The following AGXT2 variants were observed in gnomAD, a reference collection of about 807,000 sequenced individuals.
AGXT2 encodes alanine--glyoxylate aminotransferase 2, mitochondrial.
AGXT2 carries 61 observed loss-of-function variants against 62.5 expected under a neutral mutation model. The observed-to-expected ratio is 0.98, with a 90% CI of 0.79 to 1.21. The LOEUF is 1.21. Ranked by LOEUF, AGXT2 falls within the 50% of genes most tolerant of loss-of-function variation. AGXT2 has a pLI of 0.00. For missense variants in AGXT2, 666 were observed against 641.5 expected, an observed-to-expected ratio of 1.04 and a Z score of -0.41; for synonymous variants, 243 against 218.7, an observed-to-expected ratio of 1.11 and a Z score of -0.98.
intron 7 of AGXT2, chr5:35,027,102 GAT>G: frequency 4.0e-6 from 3 of 748,142 alleles, no homozygotes; most frequent in Non-Finnish European, 4.9e-6. Context: ...GACTTTCTCC[GAT>G]TAATCAGGAG....
chr5:35,032,127 A>G (rs570319881), intron 7 of AGXT2, among the ~76,000 whole-genome samples: 1 of 151,040 alleles, frequency 6.6e-6, no homozygotes, highest in East Asian at 2.0e-4. Flanking sequence ...TAATTTTTGT[A>G]TTTTTAATAG....
At chr5:35,042,736 C>CTGTGTGTG (rs66463119) in intron 1 of AGXT2, among the ~76,000 whole-genome samples, 2,178 of 142,456 alleles carry the variant, frequency 0.015, 63 homozygotes, top group African/African-American at 0.054. Flanking sequence ...ATATGCATAC[C>CTGTGTGTG]TGTGTGTGTG....
intron 1 of AGXT2, among the ~76,000 whole-genome samples, chr5:35,044,539 C>T (rs148106876): frequency 2.0e-5 from 3 of 152,318 alleles, no homozygotes; most frequent in Non-Finnish European, 4.4e-5. Context: ...TGCTAAGAGG[C>T]GGTTCCTACC....
At position 35,040,634 on chromosome 5, in the gene AGXT2, G is replaced by T; in HGVS notation, c.118C>A (p.Leu40Ile). 6.2e-7 allele frequency: 1 copy of T among 1,613,962 alleles called. No individual in the cohort carries two copies. The highest frequency in any genetic ancestry group is 8.5e-7 in the Non-Finnish European group (1 of 1,179,836). ...ATTCTGGGCTTTGTATGAAGACTGA[G>T]CTTGGTTACTGATGTCCGGGAAGTA... ...LGTSRTSVTK[L>I]SLHTKPRMPP... Residue 40 changes from leucine to isoleucine, a missense_variant, in exon 2 of 14, where the codon CTC becomes ATC. By Grantham distance (5) the Leu-to-Ile change is conservative. Transcript: ENST00000231420.
At position 35,021,703 on chromosome 5, in the gene AGXT2, A is replaced by C. The variant is rs1406824940; in HGVS notation, c.963+4060T>G. ...CTAAAACGCCAAAAGCAATGGCAAC[A>C]AAAGCCAAAATTGACAAATGGGATC... On this transcript the variant is annotated intron_variant, in intron 9 of 13. Transcript: ENST00000231420. 2.0e-5 allele frequency among the ~76,000 whole-genome samples: 3 copies of C among 152,232 alleles called. No individual in the cohort carries two copies. In the East Asian group the frequency reaches 5.8e-4, roughly 29 times the overall value.
intron 1 of AGXT2, 73 bp downstream of exon 1, chr5:35,047,730 CAG>C: frequency 6.4e-7 from 1 of 1,557,110 alleles, no homozygotes; most frequent in Non-Finnish European, 8.7e-7. Context: ...GAATCCCAGG[CAG>C]CAGCCTTCGG....
chr5:35,045,200 A>G (rs1172358488), intron 1 of AGXT2, among the ~76,000 whole-genome samples: 1 of 152,222 alleles, frequency 6.6e-6, no homozygotes, highest in Non-Finnish European at 1.5e-5. Context: ...AGTGTAAACA[A>G]AGCTGAACAT....
intron 12 of AGXT2, among the ~76,000 whole-genome samples, chr5:35,009,590 C>A (rs186283108): frequency 3.9e-4 from 59 of 152,186 alleles, no homozygotes; most frequent in African/African-American, 1.3e-3. Flanking sequence ...GAGTGAGACT[C>A]TGTCTCAACA....
chr5:35,006,009 T>C (rs1766407361), intron 12 of AGXT2, among the ~76,000 whole-genome samples: 1 of 152,180 alleles, frequency 6.6e-6, no homozygotes, highest in African/African-American at 2.4e-5. Flanking sequence ...TGCAAATACA[T>C]CTATATGCAT....
At chr5:35,003,182 C>T (rs1330821607) in intron 13 of AGXT2, among the ~76,000 whole-genome samples, 4 of 152,120 alleles carry the variant, frequency 2.6e-5, no homozygotes, top group Admixed American at 2.0e-4. Context: ...TCTGAATCTC[C>T]CAGCCTAAGG....
At chr5:35,011,973 T>C (rs1248549515) in intron 11 of AGXT2, among the ~76,000 whole-genome samples, 1 of 147,036 alleles carries the variant, frequency 6.8e-6, no homozygotes, top group Non-Finnish European at 1.5e-5. Context: ...GGAATACCAC[T>C]CAGCCATAAA....
intron 9 of AGXT2, among the ~76,000 whole-genome samples, chr5:35,021,635 G>A (rs1318429790): frequency 1.3e-5 from 2 of 151,956 alleles, no homozygotes; most frequent in Non-Finnish European, 2.9e-5. Flanking sequence ...AGAAAACCTA[G>A]GCATTACCAT....
intron 12 of AGXT2, among the ~76,000 whole-genome samples, chr5:35,004,533 G>A (rs1045118683): frequency 1.2e-4 from 19 of 152,170 alleles, no homozygotes; most frequent in African/African-American, 2.4e-4. Flanking sequence ...CTTTCTGTGC[G>A]TCCCCTGTCT....
At chr5:35,046,068 G>C (rs1401223960) in intron 1 of AGXT2, among the ~76,000 whole-genome samples, 2 of 152,122 alleles carry the variant, frequency 1.3e-5, no homozygotes, top group Non-Finnish European at 2.9e-5. Flanking sequence ...CACCCGGCCA[G>C]TGGTGTGGTT....
chr5:35,014,888 CCA>C (rs1337532469), intron 9 of AGXT2, among the ~76,000 whole-genome samples: 2 of 152,068 alleles, frequency 1.3e-5, no homozygotes, highest in Non-Finnish European at 2.9e-5. Flanking sequence ...TTGCTCCAGC[CCA>C]GTTAAACTGG....
At chr5:35,039,246 A>T in intron 3 of AGXT2, 78 bp downstream of exon 3, 1 of 1,484,924 alleles carries the variant, frequency 6.7e-7, no homozygotes, top group Non-Finnish European at 9.4e-7. Flanking sequence ...AAGCAAATCA[A>T]GAGTTCAGAG....
intron 12 of AGXT2, among the ~76,000 whole-genome samples, chr5:35,008,787 G>A (rs1380834476): frequency 6.6e-6 from 1 of 152,206 alleles, no homozygotes; most frequent in African/African-American, 2.4e-5. Flanking sequence ...TTCTAAAGTA[G>A]AATGGTGGTA....
At chr5:35,038,467 G>A (rs1452040495) in intron 3 of AGXT2, among the ~76,000 whole-genome samples, 2 of 152,146 alleles carry the variant, frequency 1.3e-5, no homozygotes, top group Non-Finnish European at 2.9e-5. Flanking sequence ...GATACTTCTT[G>A]TGACTTTGCA....
At chr5:35,035,992 A>G (rs464086) in intron 4 of AGXT2, among the ~76,000 whole-genome samples, 142,669 of 152,056 alleles carry the variant, frequency 0.94, 67,398 homozygotes, top group Non-Finnish European at 1. Flanking sequence ...CAGGAGAATC[A>G]CTTGAACCCA....
Sources: allele counts gnomAD v4.1 joint callset (sites outside exome capture counted in the v4.1 genomes callset), GRCh38; gene constraint gnomAD v4.1.1; transcripts MANE v1.5; gene names NCBI Gene and HGNC (gene_info 2026-07-23, HGNC 2026-07-21).